RNF130: variants seen among roughly 807,000 people sequenced by gnomAD.
RNF130 encodes the protein E3 ubiquitin-protein ligase RNF130.
In RNF130, 21 loss-of-function variants were observed where a neutral mutation model predicts 44.6. The ratio of observed to expected loss-of-function variants is 0.47; its 90% confidence interval spans 0.33 to 0.68. The LOEUF (loss-of-function observed/expected upper bound fraction) is 0.68, where lower values mean the gene tolerates loss of function less well. Ranked by LOEUF, RNF130 falls within the 30% of genes least tolerant of loss-of-function variation. The probability of loss-of-function intolerance (pLI) is 0.02; values close to 1 mark genes in which losing one functional copy is unlikely to be tolerated. For synonymous variants in RNF130, 214 were observed against 210.4 expected, an observed-to-expected ratio of 1.02 and a Z score of -0.15; for missense variants, 479 against 560.6, an observed-to-expected ratio of 0.85 and a Z score of 1.47.
chr5:179,998,854 A>G lies in RNF130; in HGVS notation c.693+14207T>C, dbSNP rs778795527. 1.7e-3 allele frequency among the ~76,000 whole-genome samples: 152 copies of G among 88,292 alleles called. 5 individuals carry two copies. The highest frequency in any genetic ancestry group is 2.8e-3 in the Non-Finnish European group (127 of 44,646). The allele number at this position is 88,292 out of a possible 152,430, so 57.9% of individuals were successfully genotyped here. Reference sequence around the variant, plus strand: ...GTTTATCTCTCTCTTTAGATCTAGTATTTTTTATATATATATATATATATA... The same window carrying G: ...GTTTATCTCTCTCTTTAGATCTAGTGTTTTTTATATATATATATATATATA... On this transcript the variant is annotated intron_variant, in intron 3 of 8. Coordinates refer to ENST00000521389, the MANE Select transcript of RNF130 (RefSeq NM_018434.6).
chr5:179,996,373 G>A (rs896673992), intron 3 of RNF130, among the ~76,000 whole-genome samples: 1 of 152,184 alleles, frequency 6.6e-6, no homozygotes, highest in African/African-American at 2.4e-5. Context: ...TAGAAGTGGT[G>A]AAAGTGGGCA....
chr5:179,966,099 G>A (rs893953564), intron 7 of RNF130, among the ~76,000 whole-genome samples: 5 of 152,160 alleles, frequency 3.3e-5, no homozygotes, highest in African/African-American at 1.2e-4. Context: ...AGGGCTGAAT[G>A]TCTATGATGC....
intron 2 of RNF130, among the ~76,000 whole-genome samples, chr5:180,027,689 T>C (rs1054082943): frequency 1.2e-4 from 18 of 152,150 alleles, no homozygotes; most frequent in Admixed American, 3.9e-4. Flanking sequence ...CCTGCTCCAC[T>C]CTTCCTCTCC....
At chr5:179,946,337 C>T (rs192563232) in intron 7 of RNF130, among the ~76,000 whole-genome samples, 282 of 152,304 alleles carry the variant, frequency 1.9e-3, no homozygotes, top group Non-Finnish European at 2.8e-3. Context: ...CAGGGAGGGC[C>T]CGCGTCAGGC....
At chr5:180,009,436 A>G (rs1415598638) in intron 3 of RNF130, among the ~76,000 whole-genome samples, 1 of 152,228 alleles carries the variant, frequency 6.6e-6, no homozygotes, top group Non-Finnish European at 1.5e-5. Flanking sequence ...TGGGCAAAAG[A>G]CATGAATGGA....
chr5:179,992,130 T>G (rs1277550334), intron 3 of RNF130, among the ~76,000 whole-genome samples: 2 of 152,158 alleles, frequency 1.3e-5, no homozygotes, highest in African/African-American at 4.8e-5. Flanking sequence ...GAACTCCTGA[T>G]GTAAATCATT....
intron 1 of RNF130, among the ~76,000 whole-genome samples, chr5:180,056,489 T>TG (rs1480220561): frequency 1.3e-5 from 2 of 151,466 alleles, no homozygotes; most frequent in African/African-American, 2.4e-5. Context: ...GATATGGGAG[T>TG]GGGGGGTCTA....
chr5:180,067,401 CT>C (rs1434058373), intron 1 of RNF130, among the ~76,000 whole-genome samples: 4 of 152,074 alleles, frequency 2.6e-5, no homozygotes, highest in Non-Finnish European at 5.9e-5. Context: ...AATAGAAGAC[CT>C]TCACAAAGAG....
chr5:180,022,521 G>A (rs1344026911), intron 2 of RNF130, among the ~76,000 whole-genome samples: 1 of 152,172 alleles, frequency 6.6e-6, no homozygotes, highest in Non-Finnish European at 1.5e-5. Flanking sequence ...AGTATCAAGA[G>A]TAGCATGACA....
intron 7 of RNF130, among the ~76,000 whole-genome samples, chr5:179,935,813 C>T (rs17079808): frequency 0.1 from 15,656 of 151,774 alleles, 958 homozygotes; most frequent in Middle Eastern, 0.19. Context: ...GATTATGACA[C>T]GTATCCTTGA....
chr5:180,025,700 A>C (rs1763969165), intron 2 of RNF130, among the ~76,000 whole-genome samples: 3 of 152,244 alleles, frequency 2.0e-5, no homozygotes, highest in Admixed American at 2.0e-4. Flanking sequence ...TCAGGCAAAA[A>C]TATAAATGCA....
chr5:179,913,486 C>T (rs781554402), exon 8 of RNF130: 1 of 152,144 alleles, frequency 6.6e-6, no homozygotes, highest in Non-Finnish European at 1.5e-5. Flanking sequence ...AGGTGACGAC[C>T]GGGCGGCCCC....
intron 1 of RNF130, among the ~76,000 whole-genome samples, chr5:180,070,550 A>T (rs1561716634): frequency 1.3e-5 from 2 of 152,224 alleles, no homozygotes; most frequent in African/African-American, 2.4e-5. Flanking sequence ...CATGAACAGC[A>T]GTTTAGAAAA....
chr5:180,070,284 A>T lies in RNF130; in HGVS notation c.247+1172T>A. Among the ~76,000 whole-genome samples, 2 of 152,252 alleles carry T rather than the reference A, an allele frequency of 1.3e-5. 1 individual carries two copies. Among genetic ancestry groups the T allele is most frequent in the African/African-American group, 4.8e-5 (2 of 41,462 alleles). On this transcript the variant is annotated intron_variant, in intron 1 of 8. Coordinates refer to ENST00000521389, the MANE Select transcript of RNF130 (RefSeq NM_018434.6). ...CCCTAACTGCCATTTTTAACACAGTAGAGATGAGATATGCACCTTAAGCAC... is the reference window on the plus strand; with the variant it reads ...CCCTAACTGCCATTTTTAACACAGTTGAGATGAGATATGCACCTTAAGCAC...
intron 7 of RNF130, among the ~76,000 whole-genome samples, chr5:179,935,973 C>A (rs1183129388): frequency 1.3e-5 from 2 of 152,218 alleles, no homozygotes; most frequent in African/African-American, 4.8e-5. Flanking sequence ...GCGTCTCACA[C>A]ATCGAGCAGC....
At chr5:179,996,439 T>C (rs1763198052) in intron 3 of RNF130, among the ~76,000 whole-genome samples, 1 of 152,238 alleles carries the variant, frequency 6.6e-6, no homozygotes, top group Non-Finnish European at 1.5e-5. Context: ...ACGTTCAGTA[T>C]GATGTTGGTT....
chr5:180,043,008 C>T (rs749745713), intron 1 of RNF130, among the ~76,000 whole-genome samples: 12 of 152,114 alleles, frequency 7.9e-5, no homozygotes, highest in Admixed American at 7.2e-4. Context: ...GAATTTTACA[C>T]GTGAAAAAGC....
chr5:179,974,733 G>A (rs1301477453), intron 5 of RNF130, among the ~76,000 whole-genome samples: 1 of 152,260 alleles, frequency 6.6e-6, no homozygotes, highest in African/African-American at 2.4e-5. Flanking sequence ...AAACTGGACT[G>A]GGAAATGCGA....
chr5:180,010,029 C>A (rs564783833), intron 3 of RNF130, among the ~76,000 whole-genome samples: 2 of 152,160 alleles, frequency 1.3e-5, no homozygotes, highest in South Asian at 2.1e-4. Flanking sequence ...GGGCGGATCA[C>A]AAGGTCAGGA....
Sources: allele counts gnomAD v4.1 joint callset (sites outside exome capture counted in the v4.1 genomes callset), GRCh38; gene constraint gnomAD v4.1.1; transcripts MANE v1.5; gene names NCBI Gene and HGNC (gene_info 2026-07-23, HGNC 2026-07-21).